Variants in RANBP2 observed in about 807,000 individuals in gnomAD.
RANBP2 encodes E3 SUMO-protein ligase RanBP2.
In RANBP2, 57 loss-of-function variants were observed where a neutral mutation model predicts 303.6. The ratio of observed to expected loss-of-function variants is 0.19; its 90% confidence interval spans 0.15 to 0.23. RANBP2 has a LOEUF of 0.23. Ranked by LOEUF, RANBP2 falls within the 10% of genes least tolerant of loss-of-function variation. The probability of loss-of-function intolerance (pLI) is 1.00; values close to 1 mark genes in which losing one functional copy is unlikely to be tolerated. For missense variants in RANBP2, 3,138 were observed against 3,780.8 expected, an observed-to-expected ratio of 0.83 and a Z score of 4.46; for synonymous variants, 1,167 against 1,301.5, an observed-to-expected ratio of 0.90 and a Z score of 2.23.
the RANBP2 span, among the ~76,000 whole-genome samples, chr2:108,968,168 A>T: frequency 6.6e-6 from 1 of 152,120 alleles, no homozygotes; most frequent in South Asian, 2.1e-4. Flanking sequence ...ACTTTAGTGG[A>T]AACTGTCTCT....
chr2:109,009,883 C>T, the RANBP2 span, among the ~76,000 whole-genome samples: 1 of 152,054 alleles, frequency 6.6e-6, no homozygotes, highest in Non-Finnish European at 1.5e-5. Flanking sequence ...TGTTTGGTTT[C>T]ATAATTGGGA....
chr2:108,750,892 A>G (rs1451959656), intron 9 of RANBP2, among the ~76,000 whole-genome samples: 1 of 152,204 alleles, frequency 6.6e-6, no homozygotes, highest in Admixed American at 6.5e-5. Context: ...GGATTAATAT[A>G]GTGGTGTTCC....
the RANBP2 span, among the ~76,000 whole-genome samples, chr2:109,115,607 A>C: frequency 6.6e-6 from 1 of 152,186 alleles, no homozygotes; most frequent in Non-Finnish European, 1.5e-5. Context: ...GTGTCTTTTA[A>C]TTGGAGCATT....
chr2:109,346,444 G>T, the RANBP2 span, among the ~76,000 whole-genome samples: 3 of 152,298 alleles, frequency 2.0e-5, no homozygotes, highest in South Asian at 6.2e-4. Flanking sequence ...GGCATAGGCA[G>T]CCCTGGTGAG....
At chr2:109,145,061 G>A in the RANBP2 span, among the ~76,000 whole-genome samples, 1 of 152,234 alleles carries the variant, frequency 6.6e-6, no homozygotes, top group African/African-American at 2.4e-5. Flanking sequence ...CTCGTAAGCA[G>A]AGTGTTAAGG....
At chr2:108,953,766 G>A in the RANBP2 span, among the ~76,000 whole-genome samples, 1 of 152,166 alleles carries the variant, frequency 6.6e-6, no homozygotes, top group Non-Finnish European at 1.5e-5. Flanking sequence ...CCAGAAAACT[G>A]GCAGGTGGAG....
At chr2:108,873,502 C>T in the RANBP2 span, 7 of 1,609,612 alleles carry the variant, frequency 4.3e-6, no homozygotes, top group African/African-American at 1.3e-5. Flanking sequence ...TTTTTTCGTA[C>T]TTGCTCTGTG....
chr2:108,815,939 A>G, the RANBP2 span: 1 of 1,600,204 alleles, frequency 6.2e-7, no homozygotes, highest in African/African-American at 1.3e-5. Flanking sequence ...TTTGACATAT[A>G]GGTACCACTT....
the RANBP2 span, among the ~76,000 whole-genome samples, chr2:109,037,983 G>A: frequency 2.6e-5 from 4 of 152,152 alleles, no homozygotes; most frequent in African/African-American, 9.7e-5. Context: ...CACAAGTCCT[G>A]GAATAGCTTA....
chr2:109,057,081 G>A, the RANBP2 span, among the ~76,000 whole-genome samples: 1,202 of 152,274 alleles, frequency 7.9e-3, 23 homozygotes, highest in African/African-American at 0.028. Flanking sequence ...CTTTTGAAAT[G>A]AGTTTTTGAA....
At chr2:109,483,370 G>A in the RANBP2 span, among the ~76,000 whole-genome samples, 7 of 152,126 alleles carry the variant, frequency 4.6e-5, no homozygotes, top group African/African-American at 1.7e-4. Context: ...CCTCTGGCCA[G>A]GTTCCAGCCT....
chr2:108,763,517 C>A lies in RANBP2; in HGVS notation c.2978C>A (p.Ser993Tyr), dbSNP rs909328511. ...KPPIAAHASR[S>Y]AESKTIEFGK... ...CCGATTGCAGCTCATGCTTCAAGAT[C>A]TGCAGAATCTAAGACTATAGAATTT... The change falls in exon 20 of 29, where the codon TCT becomes TAT. Residue 993 changes from serine (S) to tyrosine (Y), a missense_variant. Physicochemically the swap from Ser to Tyr is moderately radical, Grantham distance 144 (BLOSUM62 -2). Around this residue, in one of 20 missense-constraint regions of RANBP2, gnomAD observed 403 missense variants for 376.7 expected, o/e 1.07. Coordinates refer to ENST00000283195, the MANE Select transcript of RANBP2 (RefSeq NM_006267.5). 3 of 1,614,006 alleles carry A rather than the reference C, an allele frequency of 1.9e-6. No homozygotes were observed. In the African/African-American group the frequency reaches 4.0e-5, roughly 22 times the overall value.
chr2:109,481,029 G>A, the RANBP2 span, among the ~76,000 whole-genome samples: 2 of 152,334 alleles, frequency 1.3e-5, no homozygotes, highest in Non-Finnish European at 2.9e-5. Context: ...CAGGCAAGAG[G>A]ACACCGATAG....
the RANBP2 span, among the ~76,000 whole-genome samples, chr2:109,218,962 C>G: frequency 6.6e-6 from 1 of 152,216 alleles, no homozygotes; most frequent in African/African-American, 2.4e-5. Context: ...GTGTGTCTCT[C>G]TTCCTCACTG....
At chr2:108,923,314 A>G in the RANBP2 span, 1 of 1,556,812 alleles carries the variant, frequency 6.4e-7, no homozygotes, top group East Asian at 2.2e-5. Context: ...CTCTGTAGTG[A>G]AAGGGATCCG....
the RANBP2 span, among the ~76,000 whole-genome samples, chr2:109,491,797 A>G: frequency 2.0e-5 from 3 of 151,894 alleles, no homozygotes; most frequent in Non-Finnish European, 1.5e-5. Context: ...AACACAAACA[A>G]CCTCCCAAAA....
At chr2:108,930,742 T>A in the RANBP2 span, among the ~76,000 whole-genome samples, 196 of 152,230 alleles carry the variant, frequency 1.3e-3, no homozygotes, top group South Asian at 4.6e-3. Flanking sequence ...AACGTTTATA[T>A]CCATGAGACC....
the RANBP2 span, among the ~76,000 whole-genome samples, chr2:109,683,715 T>C: frequency 6.6e-6 from 1 of 151,964 alleles, no homozygotes; most frequent in Non-Finnish European, 1.5e-5. Context: ...CCAAATCACT[T>C]CCAGGAACCT....
chr2:109,344,922 A>C, the RANBP2 span, among the ~76,000 whole-genome samples: 4 of 152,136 alleles, frequency 2.6e-5, no homozygotes, highest in African/African-American at 9.7e-5. Flanking sequence ...GGGACATCAC[A>C]GGCACAGGTT....
Sources: gnomAD v4.1 joint callset for allele counts (sites outside exome capture counted in the v4.1 genomes callset) on GRCh38, gnomAD v4.1.1 for gene constraint, gnomAD v4.1.1 regional missense constraint, MANE v1.5 for transcripts, NCBI Gene and HGNC (gene_info 2026-07-23, HGNC 2026-07-21) for gene names.